The following MYRIP variants were observed in gnomAD, a reference collection of about 807,000 sequenced individuals.
The protein encoded by MYRIP is rab effector MyRIP.
Under a neutral mutation model 98.0 loss-of-function variants are expected in MYRIP, and 49 were observed. The observed-to-expected ratio is 0.50, with a 90% confidence interval of 0.40 to 0.63. The LOEUF (loss-of-function observed/expected upper bound fraction) is 0.63. Ranked by LOEUF, MYRIP falls within the 30% of genes least tolerant of loss-of-function variation. The pLI is 0.00. For missense variants in MYRIP, 1,004 were observed against 1,058.2 expected (o/e 0.95, Z 0.71); for synonymous variants, 404 against 409.5 (o/e 0.99, Z 0.16).
At chr3:39,897,726 A>G (rs1455211695) in intron 1 of MYRIP, among the ~76,000 whole-genome samples, 2 of 152,196 alleles carry the variant, frequency 1.3e-5, no homozygotes, top group African/African-American at 4.8e-5. Context: ...TGTTGTAGAA[A>G]AAGGAAGAAG....
intron 1 of MYRIP, among the ~76,000 whole-genome samples, chr3:39,855,508 G>A (rs911533417): frequency 3.9e-5 from 6 of 152,032 alleles, no homozygotes; most frequent in Non-Finnish European, 5.9e-5. Context: ...GGCTTCCTGC[G>A]GCCACTATGG....
chr3:40,109,602 C>T (rs1949118664), intron 3 of MYRIP, among the ~76,000 whole-genome samples: 2 of 152,152 alleles, frequency 1.3e-5, no homozygotes, highest in Admixed American at 6.5e-5. Flanking sequence ...AATGCAGGCT[C>T]AGGCCAGGGA....
At chr3:39,914,017 G>A (rs1944089957) in intron 2 of MYRIP, among the ~76,000 whole-genome samples, 1 of 152,078 alleles carries the variant, frequency 6.6e-6, no homozygotes, top group African/African-American at 2.4e-5. Context: ...CCACTCTTCT[G>A]CCTCTACATT....
chr3:40,082,988 A>T (rs1015457743), intron 3 of MYRIP, among the ~76,000 whole-genome samples: 1 of 152,230 alleles, frequency 6.6e-6, no homozygotes, highest in Non-Finnish European at 1.5e-5. Flanking sequence ...GAAGCTGAGC[A>T]TTATCTTACA....
chr3:40,135,979 C>T (rs913827382), intron 3 of MYRIP, among the ~76,000 whole-genome samples: 5 of 152,136 alleles, frequency 3.3e-5, no homozygotes, highest in South Asian at 2.1e-4. Context: ...CATGAACTAA[C>T]GAGCAAAATA....
intron 2 of MYRIP, among the ~76,000 whole-genome samples, chr3:39,967,343 AT>A (rs995263937): frequency 1.9e-4 from 29 of 152,136 alleles, no homozygotes; most frequent in African/African-American, 6.3e-4. Flanking sequence ...AACATGTGGT[AT>A]TTGGTTTTCT....
At chr3:39,899,451 T>C (rs781717828) in intron 1 of MYRIP, among the ~76,000 whole-genome samples, 24 of 152,208 alleles carry the variant, frequency 1.6e-4, no homozygotes, top group Non-Finnish European at 1.9e-4. Context: ...AATGTGACTA[T>C]TGTTACTATT....
intron 2 of MYRIP, among the ~76,000 whole-genome samples, chr3:40,036,299 T>C (rs1575484377): frequency 2.0e-4 from 3 of 15,062 alleles, no homozygotes; most frequent in Non-Finnish European, 4.8e-4. Context: ...CAACAACTGA[T>C]ACCAAAAAAA....
chr3:40,101,197 C>T (rs1948938668), intron 3 of MYRIP, among the ~76,000 whole-genome samples: 1 of 152,174 alleles, frequency 6.6e-6, no homozygotes, highest in Non-Finnish European at 1.5e-5. Context: ...CCCTTTCCTC[C>T]ATTCTCCCAG....
intron 11 of MYRIP, among the ~76,000 whole-genome samples, chr3:40,220,941 A>G (rs550094456): frequency 1.1e-4 from 17 of 149,096 alleles, no homozygotes; most frequent in African/African-American, 3.4e-4. Flanking sequence ...CACCTCCAAT[A>G]TTGGGGATTA....
intron 11 of MYRIP, among the ~76,000 whole-genome samples, chr3:40,223,930 T>C (rs1490280957): frequency 6.6e-6 from 1 of 152,112 alleles, no homozygotes; most frequent in Non-Finnish European, 1.5e-5. Context: ...TCATGAACTC[T>C]CTGACCAAGG....
intron 2 of MYRIP, among the ~76,000 whole-genome samples, chr3:39,982,915 T>C (rs1377591053): frequency 6.6e-6 from 1 of 152,224 alleles, no homozygotes; most frequent in Non-Finnish European, 1.5e-5. Context: ...AACCGCATTT[T>C]CCATAAATTT....
chr3:39,900,116 C>G (rs555156380), intron 1 of MYRIP, among the ~76,000 whole-genome samples: 5 of 152,304 alleles, frequency 3.3e-5, no homozygotes, highest in African/African-American at 9.6e-5. Flanking sequence ...CCACTGTGCC[C>G]AGCCAACAAT....
chr3:40,133,132 C>G (rs1949681346), intron 3 of MYRIP, among the ~76,000 whole-genome samples: 1 of 152,204 alleles, frequency 6.6e-6, no homozygotes, highest in Non-Finnish European at 1.5e-5. Context: ...GAAGGAAGAA[C>G]ACAAAGTCTA....
At chr3:40,058,742 T>C (rs534063372) in intron 3 of MYRIP, among the ~76,000 whole-genome samples, 1 of 152,306 alleles carries the variant, frequency 6.6e-6, no homozygotes. Flanking sequence ...TATTCACTAA[T>C]GGTGGTTTCA....
At chr3:40,244,346 C>A in intron 12 of MYRIP, 100 bp from the exon 13 acceptor site, 1 of 1,036,936 alleles carries the variant, frequency 9.6e-7, no homozygotes, top group Non-Finnish European at 1.4e-6. Flanking sequence ...ATGTGAAGTC[C>A]AGTTATCTCA....
At chr3:39,833,077 C>G (rs9815523) in intron 1 of MYRIP, among the ~76,000 whole-genome samples, 37,762 of 151,928 alleles carry the variant, frequency 0.25, 4,819 homozygotes, top group South Asian at 0.32. Context: ...GGTAATCAGA[C>G]TGACATGGAA....
rs548490424 is a variant in MYRIP at position 40,115,939 on chromosome 3, C to T, written c.333-35109C>T. 6.6e-5 allele frequency among the ~76,000 whole-genome samples: 10 copies of T among 152,302 alleles called. No homozygotes were observed. The South Asian group carries it at 1.9e-3, about 28-fold the overall frequency. On this transcript the variant is annotated intron_variant, in intron 3 of 16. Transcript: ENST00000302541. The stretch of plus-strand genomic sequence containing the variant: ...GCTCTGAGGTCCACACCCTCCTGCC[C>T]GCTCACTCTGCCATGGAGACAGCTC...
chr3:39,914,368 T>C (rs1944101982), intron 2 of MYRIP, among the ~76,000 whole-genome samples: 2 of 152,060 alleles, frequency 1.3e-5, no homozygotes, highest in African/African-American at 4.8e-5. Flanking sequence ...TTCTGATCAA[T>C]CCATTAAAAA....
Sources: allele counts gnomAD v4.1 joint callset (sites outside exome capture counted in the v4.1 genomes callset), GRCh38; gene constraint gnomAD v4.1.1; transcripts MANE v1.5; gene names NCBI Gene and HGNC (gene_info 2026-07-23, HGNC 2026-07-21).